Variants in TPO observed in about 807,000 individuals in gnomAD.
TPO encodes the protein thyroid microsomal antigen.
Under a neutral mutation model 96.9 loss-of-function variants are expected in TPO, and 78 were observed. That is an observed-to-expected ratio of 0.81 (90% confidence interval 0.67 to 0.97). The LOEUF is 0.97. Among genes scored for constraint, TPO ranks in the 50% least tolerant of loss-of-function variants. The pLI is 0.00. For missense variants in TPO, 1,252 were observed against 1,274.8 expected (o/e 0.98, Z 0.27); for synonymous variants, 547 against 538.0 (o/e 1.02, Z -0.23).
intron 9 of TPO, 120 bp from the exon 10 acceptor site, chr2:1,487,701 C>CTCCA (rs1000651665): frequency 4.4e-6 from 6 of 1,362,980 alleles, no homozygotes; most frequent in Middle Eastern, 4.0e-4. Context: ...CGCCACTGCA[C>CTCCA]TCCAGCCTGG....
At chr2:1,540,901 T>C (rs1325803094) in intron 16 of TPO, 178 bp downstream of exon 16, 1 of 1,545,426 alleles carries the variant, frequency 6.5e-7, no homozygotes. Flanking sequence ...TGAGCCAGAA[T>C]GTGAGCCTGC....
chr2:1,420,076 C>G (rs1663352265), intron 2 of TPO, among the ~76,000 whole-genome samples: 3 of 152,132 alleles, frequency 2.0e-5, no homozygotes, highest in Admixed American at 2.0e-4. Context: ...GTTTTCAATA[C>G]AGAAATGGAT....
chr2:1,381,533 T>TC (rs1661811650), intron 1 of TPO, among the ~76,000 whole-genome samples: 1 of 152,126 alleles, frequency 6.6e-6, no homozygotes, highest in Non-Finnish European at 1.5e-5. Flanking sequence ...AGGCCCCTCC[T>TC]CCAACACTGG....
chr2:1,389,480 A>G (rs1661962684), intron 1 of TPO, among the ~76,000 whole-genome samples: 1 of 152,086 alleles, frequency 6.6e-6, no homozygotes, highest in Non-Finnish European at 1.5e-5. Flanking sequence ...ATTCCCTTTC[A>G]TGTAACATGG....
chr2:1,515,733 A>G (rs1352670523), intron 14 of TPO, among the ~76,000 whole-genome samples: 3 of 152,068 alleles, frequency 2.0e-5, no homozygotes, highest in Non-Finnish European at 2.9e-5. Context: ...CCACAGACGC[A>G]TTCATCACCG....
At chr2:1,504,898 G>A (rs1484195962) in intron 14 of TPO, among the ~76,000 whole-genome samples, 1 of 152,108 alleles carries the variant, frequency 6.6e-6, no homozygotes, top group Non-Finnish European at 1.5e-5. Flanking sequence ...ACTGTCATAG[G>A]GGAGAGAGGT....
chr2:1,384,316 C>T (rs1661854559), intron 1 of TPO, among the ~76,000 whole-genome samples: 1 of 152,158 alleles, frequency 6.6e-6, no homozygotes, highest in Non-Finnish European at 1.5e-5. Flanking sequence ...TGGTCATTTT[C>T]ACCATATTGA....
intron 15 of TPO, among the ~76,000 whole-genome samples, chr2:1,534,825 A>ACCT (rs140346525): frequency 0.11 from 10,856 of 101,148 alleles, 576 homozygotes; most frequent in African/African-American, 0.14. Context: ...ACTGTGTGCA[A>ACCT]CCTCAAGTCC....
At chr2:1,476,827 C>A (rs1187849648) in intron 7 of TPO, among the ~76,000 whole-genome samples, 1 of 149,406 alleles carries the variant, frequency 6.7e-6, no homozygotes, top group Non-Finnish European at 1.5e-5. Flanking sequence ...CTCTTCCAGG[C>A]AAGAGACCAC....
intron 4 of TPO, among the ~76,000 whole-genome samples, chr2:1,434,965 C>G (rs9750182): frequency 0.32 from 47,824 of 151,742 alleles, 8,275 homozygotes; most frequent in South Asian, 0.48. Flanking sequence ...ATGAAGTCTC[C>G]CTCTGTCGCC....
Position 1,528,082 on chromosome 2 carries a change from C to T in TPO, c.2618+11100C>T, listed in dbSNP as rs140553239. On this transcript the variant is annotated intron_variant, in intron 15 of 16. Coordinates refer to ENST00000329066, the MANE Select transcript of TPO (RefSeq NM_001206744.2). ...GTGTGCAACCCCCCCAGATCTCCCC[C>T]ACTGTGAGCAAAAGCACAAATCCCC... 3.0e-4 allele frequency among the ~76,000 whole-genome samples: 41 copies of T among 136,416 alleles called. No individual in the cohort carries two copies. In the South Asian group the frequency reaches 5.9e-3, roughly 20 times the overall value. 89.5% of individuals were successfully genotyped at this position (136,416 alleles called of 152,430 possible).
intron 7 of TPO, among the ~76,000 whole-genome samples, chr2:1,475,943 C>A (rs1669886319): frequency 6.7e-6 from 1 of 149,040 alleles, no homozygotes; most frequent in South Asian, 2.1e-4. Flanking sequence ...CTCCCTCTCA[C>A]CTACATTCTT....
chr2:1,477,554 G>T lies in TPO; in HGVS notation c.1288G>T (p.Ala430Ser). The T allele has an allele frequency of 1.3e-6, 2 of 1,536,106 alleles. No individual in the cohort carries two copies. The highest frequency in any genetic ancestry group is 1.2e-5 in the South Asian group (1 of 84,054). Reference sequence around the variant, plus strand: ...CAAGGCCCTCAATGCGCACTGGAGCGCGGACGCCGTGTACCAGGAGGCGCG... The same window carrying T: ...CAAGGCCCTCAATGCGCACTGGAGCTCGGACGCCGTGTACCAGGAGGCGCG... ...ALKALNAHWS[A>S]DAVYQEARKV... Residue 430 changes from alanine to serine, a missense_variant, in exon 8 of 17, where the codon GCG becomes TCG. By Grantham distance (99) the Ala-to-Ser change is moderately conservative. Transcript: ENST00000329066.
At chr2:1,401,594 A>AGCC (rs1662173544) in intron 1 of TPO, among the ~76,000 whole-genome samples, 1 of 151,914 alleles carries the variant, frequency 6.6e-6, no homozygotes, top group African/African-American at 2.4e-5. Context: ...TCCCCTCAGG[A>AGCC]CCAGACAAGC....
upstream of TPO, among the ~76,000 whole-genome samples, chr2:1,409,794 GCACA>G (rs10659188): frequency 0.021 from 3,161 of 150,424 alleles, 115 homozygotes; most frequent in African/African-American, 0.073. Flanking sequence ...AACAGTGCGC[GCACA>G]CACACACACA....
chr2:1,504,449 C>G (rs1281393784), intron 14 of TPO, among the ~76,000 whole-genome samples: 4 of 152,190 alleles, frequency 2.6e-5, no homozygotes, highest in Admixed American at 6.5e-5. Context: ...GGGACCCCTC[C>G]AAATGCACCC....
chr2:1,477,033 T>C, intron 7 of TPO, 53 bp from the exon 8 acceptor site: 1 of 1,571,434 alleles, frequency 6.4e-7, no homozygotes, highest in South Asian at 1.2e-5. Flanking sequence ...TCCAGAGTCT[T>C]ACAAAGGGTG....
intron 15 of TPO, among the ~76,000 whole-genome samples, chr2:1,528,570 A>T (rs151070271): frequency 0.014 from 1,874 of 138,718 alleles, 109 homozygotes; most frequent in African/African-American, 0.051. Flanking sequence ...AACTCCCCAA[A>T]TCGCCCCACT....
chr2:1,486,135 GC>G (rs537756145), intron 9 of TPO, among the ~76,000 whole-genome samples: 89 of 152,288 alleles, frequency 5.8e-4, no homozygotes, highest in African/African-American at 2.0e-3. Context: ...ACTCATCGCA[GC>G]CGTGCAGACC....
Sources: allele counts gnomAD v4.1 joint callset (sites outside exome capture counted in the v4.1 genomes callset), GRCh38; gene constraint gnomAD v4.1.1; transcripts MANE v1.5; gene names NCBI Gene and HGNC (gene_info 2026-07-23, HGNC 2026-07-21).